Variants in TCF4 observed in about 807,000 individuals in gnomAD.
TCF4 encodes transcription factor 4, also known as SL3-3 enhancer factor 2.
TCF4 carries 3 observed loss-of-function variants against 82.1 expected under a neutral mutation model. The ratio of observed to expected loss-of-function variants is 0.04; its 90% CI spans 0.02 to 0.09. The LOEUF is 0.09. Ranked by LOEUF, TCF4 falls within the 10% of genes least tolerant of loss-of-function variation. The pLI, the probability that TCF4 is intolerant of heterozygous loss-of-function variation, is 1.00. For missense variants in TCF4, 518 were observed against 852.7 expected, an observed-to-expected ratio of 0.61 and a Z score of 4.89; for synonymous variants, 276 against 309.6, an observed-to-expected ratio of 0.89 and a Z score of 1.14.
intron 3 of TCF4, among the ~76,000 whole-genome samples, chr18:55,577,805 C>T (rs2097543328): frequency 6.6e-6 from 1 of 152,058 alleles, no homozygotes; most frequent in Admixed American, 6.6e-5. Flanking sequence ...GCTTTGTCAC[C>T]ACCTTCTCTG....
At chr18:55,390,963 T>G (rs2093033245) in intron 6 of TCF4, among the ~76,000 whole-genome samples, 1 of 152,188 alleles carries the variant, frequency 6.6e-6, no homozygotes, top group Admixed American at 6.5e-5. Context: ...TGGTCGCTAG[T>G]TGGGAGTAGC....
At chr18:55,326,918 C>G (rs924795923) in intron 8 of TCF4, among the ~76,000 whole-genome samples, 2 of 152,120 alleles carry the variant, frequency 1.3e-5, no homozygotes, top group African/African-American at 4.8e-5. Context: ...CAACTTAAAA[C>G]TGCAATGACA....
intron 3 of TCF4, among the ~76,000 whole-genome samples, chr18:55,525,292 G>C (rs1408897961): frequency 6.6e-6 from 1 of 150,766 alleles, no homozygotes; most frequent in Non-Finnish European, 1.5e-5. Context: ...CGTAACCTTT[G>C]ATTGATTTTT....
intron 15 of TCF4, among the ~76,000 whole-genome samples, chr18:55,238,029 C>T (rs1383325023): frequency 6.6e-6 from 1 of 152,186 alleles, no homozygotes; most frequent in Non-Finnish European, 1.5e-5. Flanking sequence ...CATAGAATGA[C>T]CCATGTCTGC....
At chr18:55,231,473 C>T (rs2047903568) in intron 17 of TCF4, 1 of 152,180 alleles carries the variant, frequency 6.6e-6, no homozygotes, top group Non-Finnish European at 1.5e-5. Context: ...AGAAGGTTCT[C>T]AACAGCGAAT....
chr18:55,616,626 A>G (rs928096305), intron 2 of TCF4, among the ~76,000 whole-genome samples: 4 of 151,912 alleles, frequency 2.6e-5, no homozygotes, highest in African/African-American at 9.7e-5. Flanking sequence ...ACCAACATTT[A>G]TCTTTTCTTT....
chr18:55,487,532 C>T (rs1372539153), intron 3 of TCF4, among the ~76,000 whole-genome samples: 1 of 152,040 alleles, frequency 6.6e-6, no homozygotes, highest in African/African-American at 2.4e-5. Context: ...AAAACAGAAC[C>T]AAATTCATAT....
intron 3 of TCF4, among the ~76,000 whole-genome samples, chr18:55,489,589 A>T (rs185916263): frequency 6.6e-5 from 10 of 152,178 alleles, no homozygotes; most frequent in Admixed American, 6.5e-4. Flanking sequence ...GAAACTACCA[A>T]AAAAAATAGC....
chr18:55,254,210 C>A (rs2056131084), intron 15 of TCF4, among the ~76,000 whole-genome samples: 1 of 152,126 alleles, frequency 6.6e-6, no homozygotes, highest in Non-Finnish European at 1.5e-5. Context: ...CAAGTGGTTG[C>A]CAAGGGCTGG....
intron 6 of TCF4, among the ~76,000 whole-genome samples, chr18:55,384,938 C>T (rs9950000): frequency 0.5 from 76,410 of 151,904 alleles, 21,141 homozygotes; most frequent in African/African-American, 0.76. Flanking sequence ...AATCTAATCA[C>T]TAAATGCTGA....
At chr18:55,303,220 A>AGTAC (rs1568859874) in intron 8 of TCF4, among the ~76,000 whole-genome samples, 1 of 118,862 alleles carries the variant, frequency 8.4e-6, no homozygotes, top group Non-Finnish European at 1.7e-5. Context: ...CCTGGCTCCC[A>AGTAC]GTACGTACAC....
At chr18:55,619,483 A>G (rs2097715536) in intron 2 of TCF4, among the ~76,000 whole-genome samples, 3 of 152,102 alleles carry the variant, frequency 2.0e-5, no homozygotes, top group African/African-American at 7.2e-5. Context: ...AAGTTCATAA[A>G]TCTTTTCTTT....
chr18:55,439,020 A>T (rs1215164618), intron 5 of TCF4, among the ~76,000 whole-genome samples: 1 of 152,108 alleles, frequency 6.6e-6, no homozygotes, highest in African/African-American at 2.4e-5. Context: ...TCAAATAGAG[A>T]TGGGAGTTAT....
chr18:55,531,969 A>C (rs184534086), intron 3 of TCF4, among the ~76,000 whole-genome samples: 2 of 152,346 alleles, frequency 1.3e-5, no homozygotes, highest in East Asian at 3.9e-4. Context: ...GCTGTCAAAA[A>C]TATAAAACTT....
chr18:55,413,475 G>A (rs1281183539), intron 5 of TCF4, among the ~76,000 whole-genome samples: 1 of 152,152 alleles, frequency 6.6e-6, no homozygotes, highest in Non-Finnish European at 1.5e-5. Context: ...TCAACTTCAA[G>A]AGAATGGGCC....
intron 2 of TCF4, among the ~76,000 whole-genome samples, chr18:55,623,646 A>T (rs118134308): frequency 6.6e-6 from 1 of 152,078 alleles, no homozygotes; most frequent in Non-Finnish European, 1.5e-5. Context: ...TAGTGGATCG[A>T]TATTTTTTTT....
intron 6 of TCF4, among the ~76,000 whole-genome samples, chr18:55,388,288 T>C (rs947524304): frequency 3.3e-5 from 5 of 152,104 alleles, no homozygotes; most frequent in African/African-American, 1.2e-4. Flanking sequence ...GGATGAGATG[T>C]GGCTGGTGTT....
intron 2 of TCF4, chr18:55,585,600 C>A: frequency 1.7e-6 from 1 of 599,440 alleles, no homozygotes; most frequent in Non-Finnish European, 2.7e-6. Context: ...ACTACTGCTA[C>A]ATTTGGAACA....
upstream of TCF4, among the ~76,000 whole-genome samples, chr18:55,592,826 G>C (rs2097687048): frequency 6.6e-6 from 1 of 152,156 alleles, no homozygotes; most frequent in Admixed American, 6.5e-5. Flanking sequence ...AGTAAGCAGA[G>C]GAAACTGCTC....
Sources: allele counts gnomAD v4.1 joint callset (sites outside exome capture counted in the v4.1 genomes callset), GRCh38; gene constraint gnomAD v4.1.1; transcripts MANE v1.5; gene names NCBI Gene and HGNC (gene_info 2026-07-23, HGNC 2026-07-21).